MYG1: variants seen among roughly 807,000 people sequenced by gnomAD.
MYG1 encodes the protein MYG1 exonuclease, also known as UPF0160 protein MYG1, mitochondrial.
Under a neutral mutation model 43.5 loss-of-function variants are expected in MYG1, and 36 were observed. The ratio of observed to expected loss-of-function variants is 0.83; its 90% confidence interval spans 0.63 to 1.09. The LOEUF (loss-of-function observed/expected upper bound fraction) is 1.09, where lower values mean the gene tolerates loss of function less well. MYG1 is among the 50% of genes least tolerant of loss of function. The probability of loss-of-function intolerance (pLI) is 0.00; values close to 1 mark genes in which losing one functional copy is unlikely to be tolerated. For missense variants in MYG1, 529 were observed against 495.1 expected, an observed-to-expected ratio of 1.07 and a Z score of -0.65; for synonymous variants, 220 against 202.8, an observed-to-expected ratio of 1.08 and a Z score of -0.72.
At chr12:53,302,655 C>T (rs1324333119) in intron 2 of MYG1, among the ~76,000 whole-genome samples, 1 of 152,154 alleles carries the variant, frequency 6.6e-6, no homozygotes, top group Non-Finnish European at 1.5e-5. Context: ...GCTGAAGTTC[C>T]ATCAAGACAC....
rs1239904366 is a variant in MYG1 at position 53,306,249 on chromosome 12, T to G, written c.694T>G (p.Leu232Val). 3 of 1,614,080 alleles carry G rather than the reference T, an allele frequency of 1.9e-6. No individual in the cohort carries two copies. The East Asian group carries it at 6.7e-5, about 36-fold the overall frequency. ...GGTTCAAGAGGAGTTTCTGCAGAGA[T>G]TAGATTTCTACCAACACAGCTGGCT... ...DLVQEEFLQR[L>V]DFYQHSWLPA... is the part of the protein sequence containing the mutation. Residue 232 changes from leucine (L) to valine (V), a missense_variant, in exon 5 of 7, where the codon TTA becomes GTA. By Grantham distance (32) the Leu-to-Val change is conservative. Transcript: ENST00000267103.
intron 3 of MYG1, among the ~76,000 whole-genome samples, chr12:53,304,539 C>T (rs1460980739): frequency 6.6e-6 from 1 of 152,172 alleles, no homozygotes; most frequent in African/African-American, 2.4e-5. Flanking sequence ...CCCACCTTGG[C>T]CTCCCAAAGT....
At chr12:53,303,436 C>T (rs753664602) in intron 3 of MYG1, 1 of 449,602 alleles carries the variant, frequency 2.2e-6, no homozygotes, top group South Asian at 3.3e-5. Flanking sequence ...GCTTTGAAAA[C>T]CATAAAGCAG....
intron 2 of MYG1, among the ~76,000 whole-genome samples, chr12:53,300,710 C>T (rs2121055653): frequency 6.6e-6 from 1 of 152,214 alleles, no homozygotes; most frequent in East Asian, 1.9e-4. Context: ...TAGCCCATTC[C>T]AATCCTTTTC....
intron 3 of MYG1, chr12:53,303,395 G>T: frequency 1.8e-6 from 1 of 562,640 alleles, no homozygotes; most frequent in Non-Finnish European, 3.1e-6. Context: ...GGGTGGTTGT[G>T]AGAAGTGGAT....
In MYG1 at chr12:53,299,782, G is replaced by A. The variant is rs1329333491; in HGVS notation, c.45G>A (p.Pro15=). 9.3e-6 allele frequency: 15 copies of A among 1,613,858 alleles called. No individual in the cohort carries two copies. The highest frequency in any genetic ancestry group is 1.1e-5 in the Non-Finnish European group (13 of 1,179,970). The change falls in exon 1 of 7, where the codon CCG becomes CCA. Residue 15 remains proline (P), a synonymous_variant. Transcript: ENST00000267103. ...FLRGLLTLLL[P]PPPLYTRHRM... is the part of the protein sequence containing the mutation. ...GCGGCCTCTTAACGCTGCTGCTGCC[G>A]CCGCCACCCCTGTATACCCGGCACC...
chr12:53,302,934 AAATGTGGCAGATAGG>A, intron 2 of MYG1, 85 bp from the exon 3 acceptor site: 1 of 1,302,170 alleles, frequency 7.7e-7, no homozygotes, highest in East Asian at 2.5e-5. Flanking sequence ...ATAAAACATA[AAATGTGGCAGATAGG>A]AAGCATTGAG....
chr12:53,306,597 GC>G, intron 5 of MYG1, 82 bp from the exon 6 acceptor site: 1 of 1,440,330 alleles, frequency 6.9e-7, no homozygotes, highest in Non-Finnish European at 9.5e-7. Context: ...TCCCACCTCA[GC>G]CTCCCAAAAT....
chr12:53,304,336 A>G (rs920753286), intron 3 of MYG1, among the ~76,000 whole-genome samples: 1 of 151,676 alleles, frequency 6.6e-6, no homozygotes, highest in Non-Finnish European at 1.5e-5. Flanking sequence ...TCCAGGCTGG[A>G]GTGCAGTGGC....
Position 53,306,700 on chromosome 12 carries a change from T to G in MYG1, c.786T>G (p.Ile262Met), listed in dbSNP as rs1944286069. The G allele has an allele frequency of 6.2e-7, 1 of 1,613,690 alleles. No homozygotes were observed. Among genetic ancestry groups the G allele is most frequent in the African/African-American group, 1.3e-5 (1 of 74,924 alleles). The change falls in exon 6 of 7, where the codon ATT becomes ATG. Residue 262 changes from isoleucine (I) to methionine (M), a missense_variant. Transcript: ENST00000267103. ...TTCAGGTGGACCCAAGTGGAGAGAT[T>G]GTGGAACTGGCGAAAGGTGCATGTC... ...QRFQVDPSGE[I>M]VELAKGACPW...
chr12:53,301,131 G>C (rs532456091), intron 2 of MYG1, among the ~76,000 whole-genome samples: 16 of 152,100 alleles, frequency 1.1e-4, no homozygotes, highest in Non-Finnish European at 1.9e-4. Context: ...ATTGGCCAGA[G>C]TGGTCTCGAA....
chr12:53,304,519 A>C (rs1393291684), intron 3 of MYG1, among the ~76,000 whole-genome samples: 1 of 151,582 alleles, frequency 6.6e-6, no homozygotes, highest in Non-Finnish European at 1.5e-5. Context: ...TCCTGACCTC[A>C]AGTAACGCAC....
In MYG1 at chr12:53,306,809, G is replaced by A. The variant is rs1351093661; in HGVS notation, c.895G>A (p.Gly299Arg). The change falls in exon 6 of 7, where the codon GGA (glycine) becomes AGA (arginine). Residue 299 changes from glycine to arginine, a missense_variant. By Grantham distance (125) the Gly-to-Arg change is moderately radical. Transcript: ENST00000267103. ...IFFVIYTDQA[G>R]QWRIQCVPKE... ...CTTTGTTATCTACACTGACCAGGCTGGACAGTGGCGAATACAGTGTGTGCC... is the reference window on the plus strand; with the variant it reads ...CTTTGTTATCTACACTGACCAGGCTAGACAGTGGCGAATACAGTGTGTGCC... The A allele has an allele frequency of 1.9e-6, 3 of 1,614,080 alleles. No homozygotes were observed. Among genetic ancestry groups the A allele is most frequent in the Non-Finnish European group, 2.5e-6 (3 of 1,180,030 alleles).
Position 53,306,812 on chromosome 12 carries a change from C to G in MYG1, c.898C>G (p.Gln300Glu). The G allele has an allele frequency of 6.2e-7, 1 of 1,614,170 alleles. No homozygotes were observed. The highest frequency in any genetic ancestry group is 8.5e-7 in the Non-Finnish European group (1 of 1,179,998). The change falls in exon 6 of 7, where the codon CAG becomes GAG. Residue 300 changes from glutamine to glutamate, a missense_variant. Coordinates refer to ENST00000267103, the MANE Select transcript of MYG1 (RefSeq NM_021640.4). ...FFVIYTDQAG[Q>E]WRIQCVPKEP... ...TGTTATCTACACTGACCAGGCTGGA[C>G]AGTGGCGAATACAGTGTGTGCCCAA...
rs1400301281 is a variant in MYG1, at chr12:53,299,702, G to C, written c.-36G>C. On this transcript the variant is annotated 5_prime_UTR_variant, in exon 1 of 7. Transcript: ENST00000267103. ...GGGCTGCGCTGGCGCTTCCTCTTCCGGGTCGGCGCTCCTGCCTCCCTGCAG... is the reference window on the plus strand; with the variant it reads ...GGGCTGCGCTGGCGCTTCCTCTTCCCGGTCGGCGCTCCTGCCTCCCTGCAG... The C allele has an allele frequency of 6.4e-7, 1 of 1,565,408 alleles. No individual in the cohort carries two copies. Among genetic ancestry groups the C allele is most frequent in the South Asian group, 1.1e-5 (1 of 87,496 alleles).
rs973338817 is a variant in MYG1 at position 53,305,030 on chromosome 12, G to A, written c.490-878G>A. Among the ~76,000 whole-genome samples the A allele has an allele frequency of 1.1e-4, 16 of 151,576 alleles. 1 individual carries two copies. The highest frequency in any genetic ancestry group is 7.9e-4 in the Admixed American group (12 of 15,204). On this transcript the variant is annotated intron_variant, in intron 3 of 6. Coordinates refer to ENST00000267103, the MANE Select transcript of MYG1 (RefSeq NM_021640.4). ...ACTACAGGCGCCCGCCACTACGCCC[G>A]GCTAATTTTTTGTATTTTTAGTAGA...
chr12:53,300,240 C>CA lies in MYG1; in HGVS notation c.308dup (p.His103GlnfsTer4). On this transcript the variant is annotated frameshift_variant, in exon 2 of 7. Coordinates refer to ENST00000267103, the MANE Select transcript of MYG1 (RefSeq NM_021640.4). LOFTEE classifies it high-confidence loss of function. The stretch of plus-strand genomic sequence containing the variant: ...GGGGGGCGAGTACGACCCTCGGAGA[C>CA]ACCGATATGACCATCACCAGAGGTA... 1 of 1,593,424 alleles carries CA rather than the reference C, an allele frequency of 6.3e-7. No homozygotes were observed. The highest frequency in any genetic ancestry group is 8.5e-7 in the Non-Finnish European group (1 of 1,170,022).
chr12:53,300,687 T>C (rs1944222719), intron 2 of MYG1, among the ~76,000 whole-genome samples: 1 of 151,872 alleles, frequency 6.6e-6, no homozygotes, highest in South Asian at 2.1e-4. Context: ...GGGAAATCCT[T>C]CTTGCTCAAG....
rs1395841848 is a variant in MYG1 at position 53,300,231 on chromosome 12, C to T, written c.298C>T (p.Pro100Ser). ...IVVDVGGEYDPRRHRYDHHQR... is the reference protein window; with the variant it reads ...IVVDVGGEYDSRRHRYDHHQR... ...GGTGGACGTGGGGGGCGAGTACGACCCTCGGAGACACCGATATGACCATCA... is the reference window on the plus strand; with the variant it reads ...GGTGGACGTGGGGGGCGAGTACGACTCTCGGAGACACCGATATGACCATCA... The change falls in exon 2 of 7, where the codon CCT (proline) becomes TCT (serine). Residue 100 changes from proline (P) to serine (S), a missense_variant. Physicochemically the swap from Pro to Ser is moderately conservative, Grantham distance 74. Transcript: ENST00000267103. The T allele has an allele frequency of 6.3e-7, 1 of 1,598,240 alleles. No homozygotes were observed. Among genetic ancestry groups the T allele is most frequent in the Admixed American group, 1.8e-5 (1 of 56,736 alleles).
Sources: allele counts gnomAD v4.1 joint callset (sites outside exome capture counted in the v4.1 genomes callset), GRCh38; gene constraint gnomAD v4.1.1; transcripts MANE v1.5; gene names NCBI Gene and HGNC (gene_info 2026-07-23, HGNC 2026-07-21).